ITFG1: variants seen among roughly 807,000 people sequenced by gnomAD.
ITFG1 encodes T-cell immunomodulatory protein.
Under a neutral mutation model 81.8 loss-of-function variants are expected in ITFG1, and 34 were observed. The ratio of observed to expected loss-of-function variants is 0.42; its 90% CI spans 0.32 to 0.55. ITFG1 has a LOEUF of 0.55. Ranked by LOEUF, ITFG1 falls within the 20% of genes least tolerant of loss-of-function variation. The pLI is 0.17. For synonymous variants in ITFG1, 285 were observed against 270.6 expected (o/e 1.05, Z -0.52); for missense variants, 672 against 755.4 (o/e 0.89, Z 1.29).
chr16:47,213,832 G>A (rs1307332217), intron 14 of ITFG1, among the ~76,000 whole-genome samples: 1 of 152,150 alleles, frequency 6.6e-6, no homozygotes, highest in Non-Finnish European at 1.5e-5. Flanking sequence ...TCATGTGGCT[G>A]TTGATCTGTA....
chr16:47,279,231 G>T (rs1405210171), intron 10 of ITFG1, among the ~76,000 whole-genome samples: 1 of 152,096 alleles, frequency 6.6e-6, no homozygotes, highest in Non-Finnish European at 1.5e-5. Context: ...AGGTCACAAA[G>T]ACTTTCTATG....
Position 47,219,054 on chromosome 16 carries a change from TTA to T in ITFG1, c.1375-110_1375-109del, listed in dbSNP as rs1965660331. 3.9e-5 allele frequency: 21 copies of T among 542,938 alleles called. No individual in the cohort carries two copies. In the South Asian group the frequency reaches 6.6e-4, roughly 17 times the overall value. 33.6% of individuals were successfully genotyped at this position (542,938 alleles called of 1,614,324 possible). A position where few individuals can be genotyped will look rare whatever the true frequency, so the allele number is the denominator to read the frequency against. ...AAATTCTTACACAGATGACAGTTACTTAGAGACCCCTTCCATTAACAGCACAT... is the reference window on the plus strand; with the variant it reads ...AAATTCTTACACAGATGACAGTTACTGAGACCCCTTCCATTAACAGCACAT... On this transcript the variant is annotated intron_variant, in intron 13 of 17. Coordinates refer to ENST00000320640, the MANE Select transcript of ITFG1 (RefSeq NM_030790.5).
intron 8 of ITFG1, among the ~76,000 whole-genome samples, chr16:47,354,046 A>G (rs1294737694): frequency 6.6e-6 from 1 of 152,174 alleles, no homozygotes; most frequent in Non-Finnish European, 1.5e-5. Context: ...TAGTAGGGAA[A>G]AAAATCCTAA....
chr16:47,420,199 A>C (rs1258699642), intron 6 of ITFG1, among the ~76,000 whole-genome samples: 1 of 152,196 alleles, frequency 6.6e-6, no homozygotes, highest in African/African-American at 2.4e-5. Flanking sequence ...TGGCATGAGA[A>C]GATGCTTGAT....
intron 8 of ITFG1, among the ~76,000 whole-genome samples, chr16:47,326,922 G>A (rs561743385): frequency 1.4e-4 from 22 of 152,256 alleles, no homozygotes; most frequent in Admixed American, 1.0e-3. Flanking sequence ...TAGATTCAAT[G>A]CCATCCCCAT....
chr16:47,163,954 TACACACACAC>T (rs796283043), intron 14 of ITFG1, among the ~76,000 whole-genome samples: 3 of 96,778 alleles, frequency 3.1e-5, no homozygotes, highest in African/African-American at 5.6e-5. Context: ...CACACACACA[TACACACACAC>T]ACACACCAAT....
At chr16:47,206,437 T>C (rs932216461) in intron 14 of ITFG1, among the ~76,000 whole-genome samples, 2 of 152,206 alleles carry the variant, frequency 1.3e-5, no homozygotes, top group Non-Finnish European at 2.9e-5. Context: ...GTTAGTATGT[T>C]CTCAGAGTTG....
At chr16:47,352,472 T>C (rs1354661244) in intron 8 of ITFG1, among the ~76,000 whole-genome samples, 2 of 152,204 alleles carry the variant, frequency 1.3e-5, no homozygotes, top group Non-Finnish European at 2.9e-5. Flanking sequence ...TCATCATCAC[T>C]GGCCATCAGA....
chr16:47,342,668 G>C (rs922129494), intron 8 of ITFG1, among the ~76,000 whole-genome samples: 1 of 152,088 alleles, frequency 6.6e-6, no homozygotes, highest in African/African-American at 2.4e-5. Flanking sequence ...GGTTGATCTT[G>C]TGATCAACAC....
chr16:47,299,402 C>T (rs1038944638), intron 10 of ITFG1: 3 of 152,100 alleles, frequency 2.0e-5, no homozygotes, highest in African/African-American at 7.2e-5. Context: ...TCAGCGGTCT[C>T]AGTCCTGTAC....
At chr16:47,271,362 A>C (rs1458339531) in intron 10 of ITFG1, among the ~76,000 whole-genome samples, 1 of 152,254 alleles carries the variant, frequency 6.6e-6, no homozygotes, top group Non-Finnish European at 1.5e-5. Context: ...TACGTGAAGA[A>C]AGCTCAACAT....
chr16:47,449,686 A>C (rs1436714933), intron 5 of ITFG1: 1 of 152,198 alleles, frequency 6.6e-6, no homozygotes, highest in Non-Finnish European at 1.5e-5. Context: ...ATTGGACCAG[A>C]ATATAACATA....
intron 14 of ITFG1, among the ~76,000 whole-genome samples, chr16:47,217,719 C>T (rs912802219): frequency 1.2e-4 from 18 of 152,058 alleles, no homozygotes; most frequent in East Asian, 3.9e-4. Context: ...GGTCAGGAGA[C>T]GGAGATTATC....
intron 12 of ITFG1, among the ~76,000 whole-genome samples, chr16:47,256,558 A>G (rs1217933560): frequency 6.6e-6 from 1 of 152,210 alleles, no homozygotes; most frequent in African/African-American, 2.4e-5. Context: ...TAAACAGTAT[A>G]TTTAAATTTT....
At chr16:47,300,604 T>A (rs1967060943) in intron 10 of ITFG1, among the ~76,000 whole-genome samples, 1 of 152,180 alleles carries the variant, frequency 6.6e-6, no homozygotes, top group African/African-American at 2.4e-5. Flanking sequence ...AGGCAAAAAC[T>A]CACAGCTGAA....
chr16:47,230,656 T>G (rs1458812363), intron 13 of ITFG1, among the ~76,000 whole-genome samples: 1 of 152,190 alleles, frequency 6.6e-6, no homozygotes, highest in Non-Finnish European at 1.5e-5. Context: ...ACAGCACAGC[T>G]GGCACGCTGA....
intron 8 of ITFG1, among the ~76,000 whole-genome samples, chr16:47,351,508 T>C (rs1214891419): frequency 6.6e-6 from 1 of 152,114 alleles, no homozygotes; most frequent in Non-Finnish European, 1.5e-5. Flanking sequence ...TTACAAGGGA[T>C]GTGAAGGACC....
At chr16:47,421,220 ATGTG>A (rs905396689) in intron 6 of ITFG1, among the ~76,000 whole-genome samples, 2 of 150,610 alleles carry the variant, frequency 1.3e-5, no homozygotes, top group African/African-American at 4.9e-5. Context: ...CTAAAAACGT[ATGTG>A]TGTGTGTATA....
intron 10 of ITFG1, among the ~76,000 whole-genome samples, chr16:47,291,985 T>C (rs1470036003): frequency 6.6e-6 from 1 of 152,118 alleles, no homozygotes; most frequent in Non-Finnish European, 1.5e-5. Context: ...TTATTAGAGA[T>C]ATGATATGGC....
Sources: allele counts gnomAD v4.1 joint callset (sites outside exome capture counted in the v4.1 genomes callset), GRCh38; gene constraint gnomAD v4.1.1; transcripts MANE v1.5; gene names NCBI Gene and HGNC (gene_info 2026-07-23, HGNC 2026-07-21).